KNTC1: variants seen among roughly 807,000 people sequenced by gnomAD.
KNTC1 encodes the protein kinetochore associated 1.
Under a neutral mutation model 314.4 loss-of-function variants are expected in KNTC1, and 253 were observed. The observed-to-expected ratio is 0.80, with a 90% CI of 0.73 to 0.89. The LOEUF is 0.89. KNTC1 is among the 40% of genes least tolerant of loss of function. The pLI is 0.00. For missense variants in KNTC1, 2,475 were observed against 2,572.9 expected, an observed-to-expected ratio of 0.96 and a Z score of 0.82; for synonymous variants, 901 against 901.4, an observed-to-expected ratio of 1.00 and a Z score of 0.01.
intron 3 of KNTC1, among the ~76,000 whole-genome samples, chr12:122,536,349 T>G (rs1422197852): frequency 6.6e-6 from 1 of 151,744 alleles, no homozygotes; most frequent in East Asian, 1.9e-4. Flanking sequence ...TGCCTCAGCC[T>G]CCCAAGTATC....
chr12:122,558,471 G>A (rs967280232), intron 18 of KNTC1, among the ~76,000 whole-genome samples: 2 of 152,072 alleles, frequency 1.3e-5, no homozygotes, highest in South Asian at 4.2e-4. Context: ...AGAATTGCTT[G>A]AACCTGGGAG....
intron 55 of KNTC1, among the ~76,000 whole-genome samples, chr12:122,614,422 G>A (rs917599686): frequency 6.6e-6 from 1 of 152,108 alleles, no homozygotes; most frequent in Non-Finnish European, 1.5e-5. Context: ...TGGAGGCTGG[G>A]GCAGGAAGGT....
chr12:122,619,614 G>A (rs937736264), intron 59 of KNTC1, among the ~76,000 whole-genome samples: 4 of 151,698 alleles, frequency 2.6e-5, no homozygotes, highest in East Asian at 2.0e-4. Flanking sequence ...GGGTTTCTCC[G>A]TGTTAGCCAG....
At chr12:122,602,334 C>A in intron 45 of KNTC1, 1 of 339,794 alleles carries the variant, frequency 2.9e-6, no homozygotes, top group East Asian at 4.9e-5. Flanking sequence ...TACAAAACAT[C>A]TACCAACAAC....
At chr12:122,579,998 C>T (rs1965298158) in intron 32 of KNTC1, 21 bp downstream of exon 32, 2 of 1,527,966 alleles carry the variant, frequency 1.3e-6, no homozygotes, top group African/African-American at 1.4e-5. Context: ...CTTCTGTTTT[C>T]TCATCTCAGT....
intron 5 of KNTC1, among the ~76,000 whole-genome samples, chr12:122,540,309 A>C (rs1962203610): frequency 6.6e-6 from 1 of 151,062 alleles, no homozygotes; most frequent in Non-Finnish European, 1.5e-5. Context: ...AGTAGCTGGG[A>C]TTACAGGCAC....
chr12:122,599,495 GC>G (rs1871541186), intron 44 of KNTC1, among the ~76,000 whole-genome samples: 1 of 151,874 alleles, frequency 6.6e-6, no homozygotes, highest in Non-Finnish European at 1.5e-5. Flanking sequence ...GGGATTACAG[GC>G]ATGCGCCACC....
rs1449315038 is a variant in KNTC1, at chr12:122,598,048, T to C, written c.4563+110T>C. ...TATAAGTCTATATTTTTATCAACTT[T>C]TAATTTGAAATATTCTCTTGATTTC... On this transcript the variant is annotated intron_variant, in intron 44 of 63. Coordinates refer to ENST00000333479, the MANE Select transcript of KNTC1 (RefSeq NM_014708.6). 3 of 762,466 alleles carry C rather than the reference T, an allele frequency of 3.9e-6. No homozygotes were observed. The African/African-American group carries it at 5.3e-5, about 13-fold the overall frequency. The allele number at this position is 762,466 out of a possible 1,614,324, so 47.2% of individuals were successfully genotyped here. A position where few individuals can be genotyped will look rare whatever the true frequency, so the allele number is the denominator to read the frequency against.
At chr12:122,534,011 A>C (rs1593474402) in intron 2 of KNTC1, among the ~76,000 whole-genome samples, 4 of 152,236 alleles carry the variant, frequency 2.6e-5, no homozygotes. Context: ...GAGCTTCCTC[A>C]ACCACTAATC....
chr12:122,572,590 G>T (rs1964769467), intron 24 of KNTC1, among the ~76,000 whole-genome samples: 1 of 152,006 alleles, frequency 6.6e-6, no homozygotes, highest in Non-Finnish European at 1.5e-5. Flanking sequence ...TTTAGGAAAT[G>T]TTATGCCTTT....
Position 122,613,607 on chromosome 12 carries a change from A to G in KNTC1, c.5742-19A>G, listed in dbSNP as rs1461416412. On this transcript the variant is annotated intron_variant, in intron 54 of 63. Transcript: ENST00000333479. ...TGTGGCCTATGAGAATGATTCTTAG[A>G]AACGTTTCTGTTTTCCAGATCTTAT... The G allele has an allele frequency of 1.3e-6, 2 of 1,580,802 alleles. No individual in the cohort carries two copies. Among genetic ancestry groups the G allele is most frequent in the African/African-American group, 2.7e-5 (2 of 73,378 alleles).
intron 20 of KNTC1, among the ~76,000 whole-genome samples, chr12:122,565,512 A>AT (rs1272663064): frequency 1.5e-5 from 2 of 130,018 alleles, no homozygotes; most frequent in African/African-American, 5.4e-5. Flanking sequence ...TTTTGTTATT[A>AT]TTATTTTTTT....
At chr12:122,557,760 C>A in intron 18 of KNTC1, 71 bp downstream of exon 18, 1 of 1,040,238 alleles carries the variant, frequency 9.6e-7, no homozygotes, top group Non-Finnish European at 1.4e-6. Context: ...CATAATCCTG[C>A]CTCAAATATA....
intron 13 of KNTC1, among the ~76,000 whole-genome samples, 188 bp from the exon 14 acceptor site, chr12:122,551,131 A>G (rs1963165664): frequency 7.0e-6 from 1 of 143,644 alleles, no homozygotes; most frequent in African/African-American, 2.8e-5. Flanking sequence ...TATATTTCCT[A>G]GCCATTTTTT....
intron 40 of KNTC1, among the ~76,000 whole-genome samples, chr12:122,589,376 G>A (rs1201895274): frequency 6.6e-6 from 1 of 151,236 alleles, no homozygotes; most frequent in Non-Finnish European, 1.5e-5. Context: ...TTAAATATTA[G>A]AAATATTTAA....
chr12:122,568,218 A>AT (rs1565965308), intron 20 of KNTC1, 43 bp from the exon 21 acceptor site: 10 of 950,934 alleles, frequency 1.1e-5, no homozygotes, highest in African/African-American at 1.6e-5. Context: ...TATAACCTTA[A>AT]TTTTTTTTAA....
intron 23 of KNTC1, 32 bp from the exon 24 acceptor site, chr12:122,570,993 T>G: frequency 1.2e-6 from 2 of 1,602,296 alleles, no homozygotes; most frequent in African/African-American, 1.3e-5. Flanking sequence ...GCATAAAACA[T>G]TGTTTTGAAC....
intron 5 of KNTC1, 84 bp from the exon 6 acceptor site, chr12:122,541,966 G>C: frequency 2.2e-6 from 3 of 1,343,206 alleles, no homozygotes; most frequent in Non-Finnish European, 2.9e-6. Flanking sequence ...AGGGAGCCGA[G>C]ATCGCGCTGC....
chr12:122,570,256 C>T (rs111232968), intron 22 of KNTC1, among the ~76,000 whole-genome samples: 5 of 152,170 alleles, frequency 3.3e-5, no homozygotes, highest in East Asian at 1.9e-4. Flanking sequence ...CAGTGACTCA[C>T]GCCTGTAATC....
Sources: gnomAD v4.1 joint callset for allele counts (sites outside exome capture counted in the v4.1 genomes callset) on GRCh38, gnomAD v4.1.1 for gene constraint, MANE v1.5 for transcripts, NCBI Gene and HGNC (gene_info 2026-07-23, HGNC 2026-07-21) for gene names.